Variants in PDE1A observed in about 807,000 individuals in gnomAD.
PDE1A encodes phosphodiesterase 1A, also known as dual specificity calcium/calmodulin-dependent 3',5'-cyclic nucleotide phosphodiesterase 1A.
Under a neutral mutation model 61.7 loss-of-function variants are expected in PDE1A, and 35 were observed. That is an observed-to-expected ratio of 0.57 (90% CI 0.43 to 0.75). The LOEUF is 0.75. Among genes scored for constraint, PDE1A ranks in the 30% least tolerant of loss-of-function variants. The pLI is 0.00. For missense variants in PDE1A, 597 were observed against 630.6 expected, an observed-to-expected ratio of 0.95 and a Z score of 0.57; for synonymous variants, 232 against 213.2, an observed-to-expected ratio of 1.09 and a Z score of -0.77.
At chr2:182,370,252 G>T (rs1330430958) in intron 1 of PDE1A, among the ~76,000 whole-genome samples, 2 of 152,144 alleles carry the variant, frequency 1.3e-5, no homozygotes, top group East Asian at 1.9e-4. Context: ...AAGAAAAAAG[G>T]AAGAAAGGAT....
At chr2:182,617,796 CTCAT>C in the PDE1A span, among the ~76,000 whole-genome samples, 1 of 152,176 alleles carries the variant, frequency 6.6e-6, no homozygotes, top group African/African-American at 2.4e-5. Context: ...GTCACTCCTT[CTCAT>C]TCAATGTACT....
At chr2:182,711,144 G>T in the PDE1A span, among the ~76,000 whole-genome samples, 1 of 152,316 alleles carries the variant, frequency 6.6e-6, no homozygotes, top group South Asian at 2.1e-4. Context: ...CTTTGAGAAT[G>T]AGATGTGTGT....
chr2:182,292,606 A>T (rs1694610046), intron 1 of PDE1A, among the ~76,000 whole-genome samples: 1 of 152,048 alleles, frequency 6.6e-6, no homozygotes, highest in Non-Finnish European at 1.5e-5. Context: ...TGTATTTCTG[A>T]ATAATAGTAC....
chr2:182,383,315 C>T (rs913200889), intron 1 of PDE1A, among the ~76,000 whole-genome samples: 1 of 152,062 alleles, frequency 6.6e-6, no homozygotes, highest in Non-Finnish European at 1.5e-5. Flanking sequence ...TGAGTTTTTG[C>T]TTTTCCATTT....
intron 2 of PDE1A, among the ~76,000 whole-genome samples, chr2:182,462,255 G>A (rs1012396062): frequency 2.6e-5 from 4 of 151,652 alleles, no homozygotes; most frequent in Admixed American, 6.6e-5. Flanking sequence ...GTATACATAT[G>A]TAACAAACCT....
chr2:182,357,522 G>C lies in PDE1A; in HGVS notation c.53+69056C>G, dbSNP rs148028545. Among the ~76,000 whole-genome samples, 1,002 of 152,254 alleles carry C rather than the reference G, an allele frequency of 6.6e-3. 6 individuals carry two copies. Among genetic ancestry groups the C allele is most frequent in the African/African-American group, 0.023 (958 of 41,550 alleles). On this transcript the variant is annotated intron_variant, in intron 1 of 13. Transcript: ENST00000351439. ...AGTCAACCTACAATATTCCAAGACT[G>C]AGCTGTACTTGGTTATTTTACTGCC...
At chr2:182,532,002 A>T in the PDE1A span, among the ~76,000 whole-genome samples, 1 of 152,172 alleles carries the variant, frequency 6.6e-6, no homozygotes, top group African/African-American at 2.4e-5. Flanking sequence ...TTCCAGCTTC[A>T]TCCATGTCCC....
chr2:182,515,994 G>GTGTGTGTA (rs1553636543), intron 2 of PDE1A, among the ~76,000 whole-genome samples: 22,351 of 145,404 alleles, frequency 0.15, 1,797 homozygotes, highest in Non-Finnish European at 0.19. Flanking sequence ...GTGTGTGTGT[G>GTGTGTGTA]TGTGTGTGTT....
chr2:182,217,908 C>T (rs964501206), intron 7 of PDE1A, among the ~76,000 whole-genome samples: 4 of 152,012 alleles, frequency 2.6e-5, no homozygotes, highest in Non-Finnish European at 5.9e-5. Flanking sequence ...ACCCAGCCAT[C>T]CCATTACTGG....
At chr2:182,428,557 A>C (rs1048376208), upstream of PDE1A, among the ~76,000 whole-genome samples, 1 of 152,196 alleles carries the variant, frequency 6.6e-6, no homozygotes, top group African/African-American at 2.4e-5. Flanking sequence ...CATGTGTGCT[A>C]TACAGCAGTT....
upstream of PDE1A, among the ~76,000 whole-genome samples, chr2:182,427,244 A>G (rs1452062109): frequency 1.3e-5 from 2 of 152,114 alleles, no homozygotes; most frequent in Non-Finnish European, 2.9e-5. Flanking sequence ...TTATTTTACA[A>G]TCTTGCTTGT....
chr2:182,598,362 A>G, the PDE1A span, among the ~76,000 whole-genome samples: 1 of 152,158 alleles, frequency 6.6e-6, no homozygotes, highest in African/African-American at 2.4e-5. Context: ...ACCTAAGGCC[A>G]GGAGTTCAAG....
chr2:182,177,284 T>C (rs1290764861), intron 13 of PDE1A, among the ~76,000 whole-genome samples: 3 of 152,182 alleles, frequency 2.0e-5, no homozygotes, highest in Non-Finnish European at 4.4e-5. Context: ...CTTGTACCTC[T>C]GGTAGAATTC....
chr2:182,665,368 A>C, the PDE1A span, among the ~76,000 whole-genome samples: 1 of 152,200 alleles, frequency 6.6e-6, no homozygotes, highest in Non-Finnish European at 1.5e-5. Context: ...AAACAAATTT[A>C]CAGGAAAAAA....
chr2:182,688,539 G>A, the PDE1A span, among the ~76,000 whole-genome samples: 5 of 152,236 alleles, frequency 3.3e-5, no homozygotes, highest in Non-Finnish European at 5.9e-5. Context: ...CACTAAACAT[G>A]GAAAGGAACA....
rs189239212 is a variant in PDE1A at position 182,226,923 on chromosome 2, G to A, written c.676-2959C>T. On this transcript the variant is annotated intron_variant, in intron 6 of 13. Coordinates refer to ENST00000351439, the Ensembl canonical transcript of PDE1A. ...AAAGGAAGGGAATTAACATTAACTG[G>A]ACACTTTAGTTAGCTGATCTCATTT... 2.7e-4 allele frequency among the ~76,000 whole-genome samples: 41 copies of A among 152,026 alleles called. No individual in the cohort carries two copies. The East Asian group carries it at 5.4e-3, about 20-fold the overall frequency.
intron 7 of PDE1A, among the ~76,000 whole-genome samples, chr2:182,221,342 T>C (rs576577272): frequency 6.6e-6 from 1 of 152,230 alleles, no homozygotes; most frequent in South Asian, 2.1e-4. Flanking sequence ...ACTGTTTTCC[T>C]GTACAGAGCC....
At chr2:182,371,870 C>T (rs1367704480) in intron 1 of PDE1A, among the ~76,000 whole-genome samples, 4 of 152,178 alleles carry the variant, frequency 2.6e-5, no homozygotes, top group Non-Finnish European at 5.9e-5. Context: ...CTGCAACCTC[C>T]GTTTCCTGGG....
At chr2:182,707,256 A>G in the PDE1A span, among the ~76,000 whole-genome samples, 1 of 152,238 alleles carries the variant, frequency 6.6e-6, no homozygotes, top group Admixed American at 6.5e-5. Flanking sequence ...AAAAAATTTA[A>G]AAGAAGATTA....
Sources: allele counts gnomAD v4.1 joint callset (sites outside exome capture counted in the v4.1 genomes callset), GRCh38; gene constraint gnomAD v4.1.1; transcripts MANE v1.5; gene names NCBI Gene and HGNC (gene_info 2026-07-23, HGNC 2026-07-21).